Variants in TOMM20L observed in about 807,000 individuals in gnomAD.
TOMM20L encodes translocase of outer mitochondrial membrane 20 like, also known as TOMM20-like protein 1.
TOMM20L carries 19 observed loss-of-function variants against 20.4 expected under a neutral mutation model. The ratio of observed to expected loss-of-function variants is 0.93; its 90% CI spans 0.65 to 1.36. The LOEUF (loss-of-function observed/expected upper bound fraction) is 1.36. TOMM20L is among the 40% of genes most tolerant of loss of function. The pLI is 0.00. For synonymous variants in TOMM20L, 75 were observed against 79.6 expected (o/e 0.94, Z 0.30); for missense variants, 218 against 203.7 (o/e 1.07, Z -0.43).
At chr14:58,410,974 T>G (rs1321378932), downstream of TOMM20L, 1 of 1,482,314 alleles carries the variant, frequency 6.7e-7, no homozygotes, top group African/African-American at 1.4e-5. Context: ...AGTATTTGGT[T>G]TTTAAAACAA....
chr14:58,402,279 CT>C (rs985447395), intron 2 of TOMM20L, among the ~76,000 whole-genome samples: 12 of 148,884 alleles, frequency 8.1e-5, no homozygotes, highest in African/African-American at 2.0e-4. Flanking sequence ...TCAAGATGTC[CT>C]TTTTTTTTTC....
At chr14:58,416,650 C>T in the TOMM20L span, among the ~76,000 whole-genome samples, 14 of 152,172 alleles carry the variant, frequency 9.2e-5, no homozygotes, top group Non-Finnish European at 1.5e-4. Context: ...TTATGTTTGT[C>T]GGTTGAAGCA....
At chr14:58,406,567 T>C (rs1431993330) in intron 3 of TOMM20L, among the ~76,000 whole-genome samples, 1 of 152,194 alleles carries the variant, frequency 6.6e-6, no homozygotes. Flanking sequence ...GAGGCAGTAC[T>C]CTAGTCTCAA....
chr14:58,406,443 T>G (rs1441732942), intron 3 of TOMM20L, among the ~76,000 whole-genome samples: 1 of 152,232 alleles, frequency 6.6e-6, no homozygotes, highest in Non-Finnish European at 1.5e-5. Flanking sequence ...AAAACTAGTT[T>G]CAGCTAATAA....
At position 58,396,988 on chromosome 14, in the gene TOMM20L, G is replaced by A. The variant is rs182833210; in HGVS notation, c.180+647G>A. On this transcript the variant is annotated intron_variant, in intron 2 of 4. Coordinates refer to ENST00000360945, the MANE Select transcript of TOMM20L (RefSeq NM_207377.3). The stretch of plus-strand genomic sequence containing the variant: ...GTGTGCCTGTAGTCTCAGCTACTTG[G>A]GAGACTGAGGCAGGAGAATTGCTTG... 1.2e-3 allele frequency among the ~76,000 whole-genome samples: 183 copies of A among 152,298 alleles called. 1 individual carries two copies. Among genetic ancestry groups the A allele is most frequent in the African/African-American group, 4.3e-3 (178 of 41,566 alleles).
chr14:58,415,190 A>C, the TOMM20L span, among the ~76,000 whole-genome samples: 1 of 152,228 alleles, frequency 6.6e-6, no homozygotes, highest in Non-Finnish European at 1.5e-5. Context: ...TCCACCTGGC[A>C]GTAATGAAGT....
Position 58,396,080 on chromosome 14 carries a change from C to A in TOMM20L, c.123C>A (p.Arg41=), listed in dbSNP as rs2035912065. The change falls in exon 1 of 5, where the codon CGC becomes CGA. Residue 41 remains arginine (R), a synonymous_variant. Coordinates refer to ENST00000360945, the MANE Select transcript of TOMM20L (RefSeq NM_207377.3). ...GGCGCGGGGACCCCGCGTTCAAGCG[C>A]CGCCTGCGGGACAGTGAGTGGGACC... ...RKRRGDPAFK[R]RLRDKRRAEP... The A allele has an allele frequency of 2.1e-6, 3 of 1,395,626 alleles. No homozygotes were observed. The allele number at this position is 1,395,626 out of a possible 1,614,324, so 86.5% of individuals were successfully genotyped here.
At chr14:58,407,641 T>G (rs1183024341) in intron 4 of TOMM20L, among the ~76,000 whole-genome samples, 173 bp downstream of exon 4, 1 of 152,232 alleles carries the variant, frequency 6.6e-6, no homozygotes, top group Non-Finnish European at 1.5e-5. Context: ...CATTTTCCTT[T>G]GACTATAATA....
chr14:58,398,463 C>A (rs943245658), intron 2 of TOMM20L: 1 of 152,108 alleles, frequency 6.6e-6, no homozygotes, highest in Non-Finnish European at 1.5e-5. Context: ...CCGTGGAGGA[C>A]TTTGAATGCC....
At chr14:58,404,117 A>ATTTTTTTT (rs1198718876) in intron 3 of TOMM20L, among the ~76,000 whole-genome samples, 3 of 13,458 alleles carry the variant, frequency 2.2e-4, no homozygotes, top group African/African-American at 4.8e-4. Context: ...ATATATATAT[A>ATTTTTTTT]TATTTTTTTT....
chr14:58,400,076 T>G (rs930243683), intron 2 of TOMM20L, among the ~76,000 whole-genome samples: 2 of 151,712 alleles, frequency 1.3e-5, no homozygotes, highest in Admixed American at 1.3e-4. Context: ...GCTCTGAATA[T>G]GTAATTCCTT....
downstream of TOMM20L, chr14:58,409,215 T>C (rs1429161329): frequency 1.9e-6 from 3 of 1,593,926 alleles, no homozygotes; most frequent in East Asian, 4.5e-5. Context: ...AAAATATGAA[T>C]TTTTTAAAAT....
At chr14:58,412,119 C>G, downstream of TOMM20L, 1 of 586,582 alleles carries the variant, frequency 1.7e-6, no homozygotes, top group Non-Finnish European at 3.0e-6. Context: ...CATTAATGAC[C>G]ATAGAACCTT....
downstream of TOMM20L, chr14:58,408,817 C>A: frequency 1.4e-6 from 1 of 708,186 alleles, no homozygotes; most frequent in Non-Finnish European, 2.2e-6. Flanking sequence ...ACAAATGTTG[C>A]ATCTTATTAT....
chr14:58,409,640 G>A (rs567899787), downstream of TOMM20L, among the ~76,000 whole-genome samples: 3 of 152,116 alleles, frequency 2.0e-5, no homozygotes, highest in African/African-American at 7.2e-5. Flanking sequence ...GTGCAGTGGC[G>A]TGATCTCGGC....
downstream of TOMM20L, among the ~76,000 whole-genome samples, chr14:58,409,648 G>A (rs1031685755): frequency 2.0e-5 from 3 of 151,434 alleles, no homozygotes; most frequent in African/African-American, 4.9e-5. Context: ...GCGTGATCTC[G>A]GCTCACTGCA....
chr14:58,411,269 G>A (rs1214320772), downstream of TOMM20L, among the ~76,000 whole-genome samples: 1 of 152,004 alleles, frequency 6.6e-6, no homozygotes, highest in Non-Finnish European at 1.5e-5. Context: ...CCAACATGGT[G>A]AAACCCTGTC....
chr14:58,396,531 A>T (rs2035925493), intron 2 of TOMM20L, among the ~76,000 whole-genome samples, 190 bp downstream of exon 2: 1 of 152,226 alleles, frequency 6.6e-6, no homozygotes. Context: ...AAGGGAGGGA[A>T]GGAAGGAGGA....
the TOMM20L span, among the ~76,000 whole-genome samples, chr14:58,415,696 AC>A: frequency 6.6e-6 from 1 of 152,238 alleles, no homozygotes; most frequent in Non-Finnish European, 1.5e-5. Flanking sequence ...TTAACAGAGT[AC>A]AAAGGACTTG....
Sources: gnomAD v4.1 joint callset for allele counts (sites outside exome capture counted in the v4.1 genomes callset) on GRCh38, gnomAD v4.1.1 for gene constraint, MANE v1.5 for transcripts, NCBI Gene and HGNC (gene_info 2026-07-23, HGNC 2026-07-21) for gene names.